The following DACH1 variants were observed in gnomAD, a reference collection of about 807,000 sequenced individuals.
DACH1 encodes the protein dachshund family transcription factor 1, also known as dachshund homolog 1.
In DACH1, 12 loss-of-function variants were observed where a neutral mutation model predicts 54.2. The observed-to-expected ratio is 0.22, with a 90% CI of 0.14 to 0.36. The LOEUF (loss-of-function observed/expected upper bound fraction) is 0.36. DACH1 is among the 10% of genes least tolerant of loss of function. The pLI, the probability that DACH1 is intolerant of heterozygous loss-of-function variation, is 1.00. For synonymous variants in DACH1, 386 were observed against 366.2 expected, an observed-to-expected ratio of 1.05 and a Z score of -0.62; for missense variants, 805 against 929.8, an observed-to-expected ratio of 0.87 and a Z score of 1.75.
At chr13:71,673,821 G>A (rs1412140549) in intron 2 of DACH1, among the ~76,000 whole-genome samples, 1 of 152,136 alleles carries the variant, frequency 6.6e-6, no homozygotes, top group African/African-American at 2.4e-5. Flanking sequence ...CACTTCTCTA[G>A]AGCATCAATT....
At chr13:71,696,070 G>C (rs1193634223) in intron 1 of DACH1, among the ~76,000 whole-genome samples, 1 of 152,100 alleles carries the variant, frequency 6.6e-6, no homozygotes, top group African/African-American at 2.4e-5. Flanking sequence ...ATGAGATCTA[G>C]GGAGGGGCGT....
At chr13:71,575,901 A>G (rs147837016) in intron 3 of DACH1, among the ~76,000 whole-genome samples, 3 of 152,210 alleles carry the variant, frequency 2.0e-5, no homozygotes, top group Admixed American at 6.5e-5. Flanking sequence ...GCTGTAAGTG[A>G]TTTTTGCATT....
chr13:71,624,063 T>C (rs1283299474), intron 3 of DACH1, among the ~76,000 whole-genome samples: 1 of 151,920 alleles, frequency 6.6e-6, no homozygotes, highest in East Asian at 1.9e-4. Flanking sequence ...TTAAAATACA[T>C]AATGAAGAAA....
chr13:71,599,476 G>T (rs1450919741), intron 3 of DACH1, among the ~76,000 whole-genome samples: 7 of 152,050 alleles, frequency 4.6e-5, no homozygotes, highest in Admixed American at 4.6e-4. Context: ...CAAAAGTTTT[G>T]TATCTAATTT....
chr13:71,857,954 A>G (rs1216831802), intron 1 of DACH1, among the ~76,000 whole-genome samples: 1 of 151,732 alleles, frequency 6.6e-6, no homozygotes, highest in Non-Finnish European at 1.5e-5. Context: ...TGAATAAAAC[A>G]GCCCATTTAC....
At chr13:71,830,081 A>C (rs1594273949) in intron 1 of DACH1, among the ~76,000 whole-genome samples, 1 of 152,034 alleles carries the variant, frequency 6.6e-6, no homozygotes, top group East Asian at 1.9e-4. Flanking sequence ...TACTTTCTTA[A>C]AATCACCAAA....
intron 1 of DACH1, among the ~76,000 whole-genome samples, chr13:71,753,797 G>C (rs1357792189): frequency 6.6e-6 from 1 of 152,082 alleles, no homozygotes; most frequent in Non-Finnish European, 1.5e-5. Context: ...CAAAGTCACT[G>C]TGATCAGCTA....
intron 1 of DACH1, among the ~76,000 whole-genome samples, chr13:71,711,899 A>C (rs1882739801): frequency 1.3e-5 from 2 of 152,136 alleles, no homozygotes; most frequent in Admixed American, 1.3e-4. Flanking sequence ...TATCTAGATC[A>C]TGAGAAAGTT....
intron 1 of DACH1, among the ~76,000 whole-genome samples, chr13:71,686,394 A>T (rs992243187): frequency 6.6e-6 from 1 of 152,278 alleles, no homozygotes; most frequent in South Asian, 2.1e-4. Flanking sequence ...ACACACAGAC[A>T]GATCGCCAGG....
chr13:71,625,751 T>G (rs368362701), intron 3 of DACH1, among the ~76,000 whole-genome samples: 1 of 152,054 alleles, frequency 6.6e-6, no homozygotes. Flanking sequence ...AGGGCATTAG[T>G]GTACCCTTGC....
intron 2 of DACH1, among the ~76,000 whole-genome samples, chr13:71,681,281 T>C (rs1303435268): frequency 1.3e-5 from 2 of 152,176 alleles, no homozygotes; most frequent in East Asian, 1.9e-4. Flanking sequence ...ATTTTCAAAA[T>C]TCTAGAAATA....
intron 2 of DACH1, among the ~76,000 whole-genome samples, chr13:71,659,179 TAGGA>T (rs1030707277): frequency 6.6e-6 from 1 of 151,998 alleles, no homozygotes; most frequent in Non-Finnish European, 1.5e-5. Context: ...GGAAACAAGG[TAGGA>T]AGGAAGGAAG....
rs571380826 is a variant in DACH1, at chr13:71,642,261, T to C, written c.965-11544A>G. 2.6e-5 allele frequency among the ~76,000 whole-genome samples: 4 copies of C among 152,288 alleles called. No individual in the cohort carries two copies. In the East Asian group the frequency reaches 7.7e-4, roughly 29 times the overall value. ...ATTCACCTTAAATAATTTAAGCTAA[T>C]TGAAAAAGAACCAAACTAAAACTAA... On this transcript the variant is annotated intron_variant, in intron 2 of 10. Coordinates refer to ENST00000613252, the MANE Select transcript of DACH1 (RefSeq NM_080759.6).
chr13:71,511,232 AACT>A (rs1211577940), intron 6 of DACH1, among the ~76,000 whole-genome samples: 2 of 152,000 alleles, frequency 1.3e-5, no homozygotes, highest in African/African-American at 2.4e-5. Flanking sequence ...CAGTTTAGAA[AACT>A]ACTATTTATA....
intron 1 of DACH1, 147 bp downstream of exon 1, chr13:71,865,775 C>G: frequency 8.0e-7 from 1 of 1,252,282 alleles, no homozygotes; most frequent in Non-Finnish European, 1.0e-6. Context: ...GCTGGCGAGC[C>G]CCGAGCAGGG....
At chr13:71,652,772 C>G (rs1475764270) in intron 2 of DACH1, among the ~76,000 whole-genome samples, 1 of 152,136 alleles carries the variant, frequency 6.6e-6, no homozygotes, top group Non-Finnish European at 1.5e-5. Flanking sequence ...ATACTATGAG[C>G]TCCTTGAAGG....
intron 1 of DACH1, among the ~76,000 whole-genome samples, chr13:71,816,017 G>A (rs549313298): frequency 2.0e-5 from 3 of 151,926 alleles, no homozygotes; most frequent in Admixed American, 6.6e-5. Flanking sequence ...CCCGGGAGGC[G>A]GAGCTTGCAG....
intron 1 of DACH1, among the ~76,000 whole-genome samples, chr13:71,723,720 T>A (rs1566459055): frequency 6.6e-6 from 1 of 152,192 alleles, no homozygotes; most frequent in Non-Finnish European, 1.5e-5. Flanking sequence ...AGACAGAGTC[T>A]CACTGCCTTT....
At chr13:71,730,617 GTA>G (rs1883699286) in intron 1 of DACH1, among the ~76,000 whole-genome samples, 1 of 152,116 alleles carries the variant, frequency 6.6e-6, no homozygotes, top group Non-Finnish European at 1.5e-5. Flanking sequence ...ACACATATAT[GTA>G]TATGTGTGTA....
Sources: gnomAD v4.1 joint callset for allele counts (sites outside exome capture counted in the v4.1 genomes callset) on GRCh38, gnomAD v4.1.1 for gene constraint, MANE v1.5 for transcripts, NCBI Gene and HGNC (gene_info 2026-07-23, HGNC 2026-07-21) for gene names.